The following KANK4 variants were observed in gnomAD, a reference collection of about 807,000 sequenced individuals.
KANK4 encodes the protein KN motif and ankyrin repeat domain-containing protein 4.
Under a neutral mutation model 80.8 loss-of-function variants are expected in KANK4, and 50 were observed. The ratio of observed to expected loss-of-function variants is 0.62; its 90% CI spans 0.49 to 0.78. The LOEUF is 0.78. Ranked by LOEUF, KANK4 falls within the 30% of genes least tolerant of loss-of-function variation. The probability of loss-of-function intolerance (pLI) is 0.00; values close to 1 mark genes in which losing one functional copy is unlikely to be tolerated. For synonymous variants in KANK4, 465 were observed against 506.9 expected, an observed-to-expected ratio of 0.92 and a Z score of 1.11; for missense variants, 1,196 against 1,240.1, an observed-to-expected ratio of 0.96 and a Z score of 0.53.
chr1:62,242,148 G>A (rs1366165988), intron 9 of KANK4, among the ~76,000 whole-genome samples: 1 of 148,326 alleles, frequency 6.7e-6, no homozygotes. Flanking sequence ...CGACTGAAGA[G>A]ATGGGGAACT....
At chr1:62,291,333 C>A (rs1327555613) in intron 1 of KANK4, among the ~76,000 whole-genome samples, 5 of 152,190 alleles carry the variant, frequency 3.3e-5, no homozygotes, top group African/African-American at 1.2e-4. Context: ...AGGATATTAA[C>A]CTCTTATCAG....
intron 8 of KANK4, among the ~76,000 whole-genome samples, chr1:62,249,366 A>G (rs75286713): frequency 1.4e-3 from 32 of 23,534 alleles, no homozygotes; most frequent in East Asian, 0.014. Flanking sequence ...GCGTGTGTGT[A>G]TATATATATA....
chr1:62,276,937 C>A (rs1672328902), intron 2 of KANK4, among the ~76,000 whole-genome samples: 1 of 152,180 alleles, frequency 6.6e-6, no homozygotes, highest in South Asian at 2.1e-4. Context: ...TGCTGGTCTC[C>A]ACAAACATGT....
At chr1:62,314,157 G>C (rs1261264011) in intron 1 of KANK4, among the ~76,000 whole-genome samples, 8 of 152,168 alleles carry the variant, frequency 5.3e-5, no homozygotes, top group African/African-American at 1.9e-4. Context: ...GGGATTACAG[G>C]CATGTGCTAC....
At chr1:62,265,230 T>C (rs921848021) in intron 6 of KANK4, among the ~76,000 whole-genome samples, 10 of 151,216 alleles carry the variant, frequency 6.6e-5, no homozygotes, top group East Asian at 2.0e-4. Context: ...CATCACATAT[T>C]GGTTCTTTTT....
At chr1:62,255,747 C>T (rs1452375536) in intron 7 of KANK4, among the ~76,000 whole-genome samples, 1 of 152,164 alleles carries the variant, frequency 6.6e-6, no homozygotes, top group African/African-American at 2.4e-5. Context: ...CTCCTGGGCT[C>T]AAGTGATCCT....
chr1:62,309,814 C>A (rs916051515), intron 1 of KANK4, among the ~76,000 whole-genome samples: 1 of 152,180 alleles, frequency 6.6e-6, no homozygotes, highest in African/African-American at 2.4e-5. Context: ...TACATTTTAA[C>A]AAGAGCTGCC....
At position 62,263,189 on chromosome 1, in the gene KANK4, T is replaced by A. The variant is rs2260581; in HGVS notation, c.2442A>T (p.Lys814Asn). 6.2e-7 allele frequency: 1 copy of A among 1,613,260 alleles called. No homozygotes were observed. Residue 814 changes from lysine (K) to asparagine (N), a missense_variant, in exon 7 of 10, where the codon AAA becomes AAT. Around this residue, in one of 3 missense-constraint regions of KANK4, gnomAD observed 1,154 missense variants for 1,179.6 expected, o/e 0.98. Transcript: ENST00000371153. ...EVQPHSPHFLKLLVNLADHNG... is the reference protein window; with the variant it reads ...EVQPHSPHFLNLLVNLADHNG... ...TGTGATCGGCCAAGTTGACAAGCAGTTTCAGGAAGTGTGGGGAGTGAGGCT... is the reference window on the plus strand; with the variant it reads ...TGTGATCGGCCAAGTTGACAAGCAGATTCAGGAAGTGTGGGGAGTGAGGCT...
chr1:62,263,452 G>T (rs1358036013), intron 6 of KANK4, 141 bp from the exon 7 acceptor site: 3 of 707,564 alleles, frequency 4.2e-6, no homozygotes, highest in Non-Finnish European at 7.3e-6. Flanking sequence ...AGGGCTCAGA[G>T]CTGGTGGGGT....
chr1:62,265,087 T>C (rs1366530584), intron 6 of KANK4, among the ~76,000 whole-genome samples: 4 of 152,184 alleles, frequency 2.6e-5, no homozygotes, highest in African/African-American at 9.7e-5. Flanking sequence ...CATCTCGGCC[T>C]TCCAAAGTGC....
chr1:62,316,862 G>A (rs1285549265), intron 1 of KANK4, among the ~76,000 whole-genome samples: 1 of 152,176 alleles, frequency 6.6e-6, no homozygotes, highest in Non-Finnish European at 1.5e-5. Flanking sequence ...GCTGATGTTT[G>A]CTGTGACAGA....
At chr1:62,257,031 A>G (rs1671767545) in intron 7 of KANK4, among the ~76,000 whole-genome samples, 1 of 152,124 alleles carries the variant, frequency 6.6e-6, no homozygotes, top group African/African-American at 2.4e-5. Flanking sequence ...GAGGTCTGAC[A>G]CCTGCTCAGG....
intron 2 of KANK4, among the ~76,000 whole-genome samples, chr1:62,277,553 A>G (rs1417272554): frequency 6.6e-6 from 1 of 152,204 alleles, no homozygotes; most frequent in Non-Finnish European, 1.5e-5. Context: ...AAGAAGCCCC[A>G]TAGCTTCCAC....
chr1:62,310,150 C>T (rs1644486493), intron 1 of KANK4, among the ~76,000 whole-genome samples: 1 of 152,204 alleles, frequency 6.6e-6, no homozygotes, highest in South Asian at 2.1e-4. Context: ...AATCATCAGT[C>T]CCAGGGCAGG....
At position 62,247,627 on chromosome 1, in the gene KANK4, C is replaced by T; in HGVS notation, c.2728G>A (p.Asp910Asn). 1 of 1,614,038 alleles carries T rather than the reference C, an allele frequency of 6.2e-7. No individual in the cohort carries two copies. Among genetic ancestry groups the T allele is most frequent in the Non-Finnish European group, 8.5e-7 (1 of 1,180,030 alleles). The change falls in exon 9 of 10, where the codon GAC becomes AAC. Residue 910 changes from aspartate (D) to asparagine (N), a missense_variant. By Grantham distance (23) the Asp-to-Asn change is conservative. Transcript: ENST00000371153. Reference protein sequence around the residue: ...LMLGVSHDREDMVQALLSCQA... With the variant: ...LMLGVSHDRENMVQALLSCQA... ...CAGCTAAGCAGCGCTTGAACCATGT[C>T]CTCCCTGTCGTGGCTGACTCCCAGC...
intron 1 of KANK4, chr1:62,298,396 A>G (rs1482311380): frequency 6.6e-6 from 1 of 152,206 alleles, no homozygotes; most frequent in Non-Finnish European, 1.5e-5. Context: ...ATGCCTATAA[A>G]CCTGAAGATC....
intron 3 of KANK4, 43 bp from the exon 4 acceptor site, chr1:62,271,632 G>C: frequency 7.0e-7 from 1 of 1,426,942 alleles, no homozygotes; most frequent in Non-Finnish European, 9.9e-7. Context: ...TCTTGGGGAT[G>C]CATGGGAATG....
intron 2 of KANK4, among the ~76,000 whole-genome samples, chr1:62,279,605 T>C (rs897991036): frequency 6.6e-6 from 1 of 152,220 alleles, no homozygotes; most frequent in African/African-American, 2.4e-5. Context: ...TTTCTCCATT[T>C]GTAAAGTGGA....
chr1:62,303,151 G>C (rs1002289167), intron 1 of KANK4, among the ~76,000 whole-genome samples: 4 of 148,180 alleles, frequency 2.7e-5, no homozygotes, highest in African/African-American at 5.0e-5. Context: ...TAGTCAGTGA[G>C]GATACTGGGA....
Sources: gnomAD v4.1 joint callset for allele counts (sites outside exome capture counted in the v4.1 genomes callset) on GRCh38, gnomAD v4.1.1 for gene constraint, gnomAD v4.1.1 regional missense constraint, MANE v1.5 for transcripts, NCBI Gene and HGNC (gene_info 2026-07-23, HGNC 2026-07-21) for gene names.